The following UNC13B variants were observed in gnomAD, a reference collection of about 807,000 sequenced individuals.
The protein encoded by UNC13B is unc-13 homolog B.
A neutral mutation model predicts 211.0 loss-of-function variants in UNC13B; 144 were observed. That is an observed-to-expected ratio of 0.68 (90% CI 0.60 to 0.78). UNC13B has a LOEUF of 0.78. Among genes scored for constraint, UNC13B ranks in the 30% least tolerant of loss-of-function variants. The pLI, the probability that UNC13B is intolerant of heterozygous loss-of-function variation, is 0.00. For missense variants in UNC13B, 1,777 were observed against 2,002.0 expected (o/e 0.89, Z 2.14); for synonymous variants, 709 against 725.8 (o/e 0.98, Z 0.37).
intron 1 of UNC13B, among the ~76,000 whole-genome samples, chr9:35,164,131 C>T (rs1318306393): frequency 1.3e-5 from 2 of 152,310 alleles, no homozygotes; most frequent in Non-Finnish European, 1.5e-5. Flanking sequence ...ATTCTCATGC[C>T]TCAGCCTCCC....
In UNC13B at chr9:35,403,273, T is replaced by A. The variant is rs375370547; in HGVS notation, c.12577+14T>A. 5.2e-5 allele frequency: 84 copies of A among 1,613,608 alleles called. No homozygotes were observed. The African/African-American group carries it at 8.0e-4, about 15-fold the overall frequency. ...TCACAGTGAAAGGTGAGTGATGGACTTACAGGTCTGCCCTTTCCTTGCCCA... is the reference window on the plus strand; with the variant it reads ...TCACAGTGAAAGGTGAGTGATGGACATACAGGTCTGCCCTTTCCTTGCCCA... On this transcript the variant is annotated intron_variant, in intron 38 of 39. Transcript: ENST00000635942.
rs377439668 is a variant in UNC13B, at chr9:35,284,172, A to G, written c.527-11524A>G. ...GTCCAGCTACTTGGGAGGCTGAGGC[A>G]GGAGAATTGCCTGAACCCGGGAGGC... On this transcript the variant is annotated intron_variant, in intron 7 of 39. Transcript: ENST00000635942. 5.3e-5 allele frequency among the ~76,000 whole-genome samples: 8 copies of G among 152,312 alleles called. No individual in the cohort carries two copies. The South Asian group carries it at 1.5e-3, about 28-fold the overall frequency.
chr9:35,183,311 C>T, intron 1 of UNC13B, among the ~76,000 whole-genome samples: 1 of 116,230 alleles, frequency 8.6e-6, no homozygotes, highest in Non-Finnish European at 1.8e-5. Context: ...CCTCACCTCC[C>T]AGGCGGGGCA....
intron 9 of UNC13B, among the ~76,000 whole-genome samples, chr9:35,308,976 GTTTC>G (rs1210427864): frequency 6.6e-6 from 1 of 152,130 alleles, no homozygotes; most frequent in Non-Finnish European, 1.5e-5. Context: ...GATTTGCATA[GTTTC>G]TTCCATGGTA....
rs955597769 is a variant in UNC13B, at chr9:35,300,795, G to A, written c.1391G>A (p.Cys464Tyr). The stretch of plus-strand genomic sequence containing the variant: ...ATTGATACAATGGATGAGCTTCAGT[G>A]TTTGGTAGAAACGGTGTCAGAATAT... ...DRIDTMDELQ[C>Y]LVETVSEYLA... Residue 464 changes from cysteine to tyrosine, a missense_variant, in exon 9 of 40, where the codon TGT becomes TAT. Coordinates refer to ENST00000635942, the MANE Select transcript of UNC13B (RefSeq NM_001371189.2). 5.5e-5 allele frequency: 22 copies of A among 398,816 alleles called. No homozygotes were observed. The highest frequency in any genetic ancestry group is 3.1e-4 in the Admixed American group (7 of 22,708). The allele number at this position is 398,816 out of a possible 1,614,324, so 24.7% of individuals were successfully genotyped here. A position where few individuals can be genotyped will look rare whatever the true frequency, so the allele number is the denominator to read the frequency against.
intron 6 of UNC13B, among the ~76,000 whole-genome samples, chr9:35,249,161 G>C (rs1053819218): frequency 6.2e-4 from 95 of 152,098 alleles, no homozygotes; most frequent in Non-Finnish European, 9.8e-4. Flanking sequence ...TGTTTTATCA[G>C]AGACTAGGAT....
intron 10 of UNC13B, among the ~76,000 whole-genome samples, 198 bp downstream of exon 10, chr9:35,310,979 T>C (rs1037087751): frequency 3.3e-5 from 5 of 152,106 alleles, no homozygotes; most frequent in Admixed American, 2.6e-4. Context: ...TGAAGAATAT[T>C]TGGGTTTTTG....
chr9:35,295,301 AC>A (rs1177889620), intron 7 of UNC13B, among the ~76,000 whole-genome samples: 1 of 152,182 alleles, frequency 6.6e-6, no homozygotes, highest in African/African-American at 2.4e-5. Flanking sequence ...GAAAAAGCTA[AC>A]TTTTTTAAAC....
At chr9:35,175,877 T>A (rs1217976601) in intron 1 of UNC13B, among the ~76,000 whole-genome samples, 3 of 108,712 alleles carry the variant, frequency 2.8e-5, no homozygotes, top group African/African-American at 3.4e-5. Context: ...AAAAAAAAAA[T>A]TAGCCAGACA....
At chr9:35,352,683 G>T in intron 11 of UNC13B, 1 of 1,232,132 alleles carries the variant, frequency 8.1e-7, no homozygotes, top group East Asian at 3.2e-5. Flanking sequence ...TCAAAGGAAA[G>T]TGATGTGCCC....
intron 7 of UNC13B, among the ~76,000 whole-genome samples, chr9:35,275,726 G>T (rs978076096): frequency 1.3e-5 from 2 of 151,986 alleles, no homozygotes; most frequent in African/African-American, 2.4e-5. Flanking sequence ...CTGAGTAGCT[G>T]GGATTACAGG....
At chr9:35,177,544 C>T (rs540310467) in intron 1 of UNC13B, among the ~76,000 whole-genome samples, 1 of 152,196 alleles carries the variant, frequency 6.6e-6, no homozygotes, top group South Asian at 2.1e-4. Context: ...GAATTACACT[C>T]TTAAGATCAT....
At chr9:35,253,296 C>T (rs546702096) in intron 6 of UNC13B, among the ~76,000 whole-genome samples, 6 of 152,082 alleles carry the variant, frequency 3.9e-5, no homozygotes, top group Non-Finnish European at 7.4e-5. Context: ...CACACATCAC[C>T]GCACCTAGCT....
At chr9:35,336,531 C>G (rs1301206606) in intron 11 of UNC13B, among the ~76,000 whole-genome samples, 1 of 152,054 alleles carries the variant, frequency 6.6e-6, no homozygotes, top group Non-Finnish European at 1.5e-5. Context: ...GAGTCTCGCT[C>G]TGTCACCCAG....
chr9:35,370,481 C>A, intron 13 of UNC13B, 85 bp downstream of exon 13: 2 of 1,321,768 alleles, frequency 1.5e-6, no homozygotes, highest in South Asian at 1.3e-5. Flanking sequence ...GATTGGAAGT[C>A]GTCCATTTAA....
At chr9:35,313,765 T>C in intron 10 of UNC13B, 134 bp from the exon 11 acceptor site, 2 of 651,872 alleles carry the variant, frequency 3.1e-6, no homozygotes, top group South Asian at 1.9e-5. Flanking sequence ...GCTGTTTTAG[T>C]AGCCTGAATC....
intron 7 of UNC13B, among the ~76,000 whole-genome samples, chr9:35,273,921 C>T (rs1321854131): frequency 4.6e-5 from 7 of 152,156 alleles, no homozygotes. Flanking sequence ...TTCTTTTATT[C>T]TGGACCCACC....
intron 4 of UNC13B, among the ~76,000 whole-genome samples, chr9:35,237,481 A>C (rs1825576819): frequency 6.6e-6 from 1 of 152,164 alleles, no homozygotes; most frequent in Non-Finnish European, 1.5e-5. Flanking sequence ...TCCTCGTTAG[A>C]CCTGCAGAGC....
At chr9:35,359,145 A>G (rs183285721) in intron 11 of UNC13B, among the ~76,000 whole-genome samples, 25 of 152,280 alleles carry the variant, frequency 1.6e-4, no homozygotes, top group African/African-American at 5.1e-4. Flanking sequence ...TCAAAAATCA[A>G]TGACCATAAA....
Sources: gnomAD v4.1 joint callset for allele counts (sites outside exome capture counted in the v4.1 genomes callset) on GRCh38, gnomAD v4.1.1 for gene constraint, MANE v1.5 for transcripts, NCBI Gene and HGNC (gene_info 2026-07-23, HGNC 2026-07-21) for gene names.